LSM8: variants seen among roughly 807,000 people sequenced by gnomAD.
LSM8 encodes the protein LSM8 homolog, U6 small nuclear RNA associated, also known as LSM8 U6 small nuclear RNA associated.
LSM8 carries 14 observed loss-of-function variants against 15.0 expected under a neutral mutation model. The ratio of observed to expected loss-of-function variants is 0.93; its 90% CI spans 0.62 to 1.46. The LOEUF (loss-of-function observed/expected upper bound fraction) is 1.46. Among genes scored for constraint, LSM8 ranks in the 40% most tolerant of loss-of-function variants. LSM8 has a pLI of 0.00. For synonymous variants in LSM8, 50 were observed against 42.1 expected, an observed-to-expected ratio of 1.19 and a Z score of -0.73; for missense variants, 90 against 115.4, an observed-to-expected ratio of 0.78 and a Z score of 1.01.
intron 2 of LSM8, among the ~76,000 whole-genome samples, chr7:118,187,961 C>T (rs1346906797): frequency 1.3e-5 from 2 of 152,050 alleles, no homozygotes; most frequent in African/African-American, 2.4e-5. Context: ...TAGTTTATAC[C>T]TTTAGCTGCT....
At chr7:118,187,464 A>G (rs1420129114) in intron 2 of LSM8, among the ~76,000 whole-genome samples, 1 of 152,260 alleles carries the variant, frequency 6.6e-6, no homozygotes, top group African/African-American at 2.4e-5. Context: ...AGAATTAAAC[A>G]ATAAATCCAT....
Position 118,191,933 on chromosome 7 carries a change from TG to T in LSM8, c.223del (p.Glu75LysfsTer17). 6.2e-7 allele frequency: 1 copy of T among 1,612,738 alleles called. No individual in the cohort carries two copies. Among genetic ancestry groups the T allele is most frequent in the Non-Finnish European group, 8.5e-7 (1 of 1,179,192 alleles). On this transcript the variant is annotated frameshift_variant, in exon 4 of 4. Transcript: ENST00000249299. LOFTEE classifies it high-confidence loss of function. ...TTAGTGCAGTCATTGGAGAAATCGA[TG>T]AAGAAACAGATTCTGCGCTTGATTT... Reference protein sequence around the residue: ...DNVAVIGEIDEETDSALDLGN... With the variant: ...DNVAVIGEIDXETDSALDLGN...
At chr7:118,186,009 G>T (rs931399747) in intron 2 of LSM8, among the ~76,000 whole-genome samples, 1 of 152,020 alleles carries the variant, frequency 6.6e-6, no homozygotes, top group Non-Finnish European at 1.5e-5. Flanking sequence ...ACATGAATCA[G>T]AATTTTTTTG....
rs1285366072 is a variant in LSM8, at chr7:118,199,088, G to A, written c.*7086G>A. On this transcript the variant is annotated 3_prime_UTR_variant, in exon 4 of 4. Coordinates refer to ENST00000249299, the MANE Select transcript of LSM8 (RefSeq NM_016200.5). ...GAGGACATCTTGAAGTTTGTGCCTGGTTTCTCCTGATTTTCACCCTGCACA... is the reference window on the plus strand; with the variant it reads ...GAGGACATCTTGAAGTTTGTGCCTGATTTCTCCTGATTTTCACCCTGCACA... 1.3e-5 allele frequency among the ~76,000 whole-genome samples: 2 copies of A among 152,140 alleles called. No homozygotes were observed. The highest frequency in any genetic ancestry group is 2.4e-5 in the African/African-American group (1 of 41,444).
chr7:118,202,730 G>T lies in LSM8; in HGVS notation c.*10728G>T. Among the ~76,000 whole-genome samples the T allele has an allele frequency of 1.6e-5, 2 of 125,450 alleles. 1 individual carries two copies. The allele number at this position is 125,450 out of a possible 152,430, so 82.3% of individuals were successfully genotyped here. ...AAAAGGGTTGCTGTTAGGAAAAAGA[G>T]AAGAATGGGGATGGGGTGAACAACC... is the stretch of plus-strand genomic sequence containing the variant. On this transcript the variant is annotated 3_prime_UTR_variant, in exon 4 of 4. Coordinates refer to ENST00000249299, the MANE Select transcript of LSM8 (RefSeq NM_016200.5).
In LSM8 at chr7:118,194,686, A is replaced by G. The variant is rs1328517056; in HGVS notation, c.*2684A>G. Among the ~76,000 whole-genome samples, 1 of 152,174 alleles carries G rather than the reference A, an allele frequency of 6.6e-6. No individual in the cohort carries two copies. Among genetic ancestry groups the G allele is most frequent in the Non-Finnish European group, 1.5e-5 (1 of 68,004 alleles). Reference sequence around the variant, plus strand: ...TCCTCAGCCGTGTAACCTGAGATTCATCATGGGAATGAGAAAGTAAAGGCC... The same window carrying G: ...TCCTCAGCCGTGTAACCTGAGATTCGTCATGGGAATGAGAAAGTAAAGGCC... On this transcript the variant is annotated 3_prime_UTR_variant, in exon 4 of 4. Transcript: ENST00000249299.
rs114696065 is a variant in LSM8 at position 118,194,699 on chromosome 7, G to A, written c.*2697G>A. On this transcript the variant is annotated 3_prime_UTR_variant, in exon 4 of 4. Coordinates refer to ENST00000249299, the MANE Select transcript of LSM8 (RefSeq NM_016200.5). ...AACCTGAGATTCATCATGGGAATGA[G>A]AAAGTAAAGGCCCTTTGTAATGGCA... is the stretch of plus-strand genomic sequence containing the variant. Among the ~76,000 whole-genome samples the A allele has an allele frequency of 5.7e-3, 875 of 152,240 alleles. 10 individuals carry two copies. The highest frequency in any genetic ancestry group is 0.02 in the African/African-American group (831 of 41,550).
rs528749834 is a variant in LSM8 at position 118,185,433 on chromosome 7, T to C, written c.32-221T>C. 35 of 500,112 alleles carry C rather than the reference T, an allele frequency of 7.0e-5. 1 individual carries two copies. Among genetic ancestry groups the C allele is most frequent in the African/African-American group, 5.7e-4 (29 of 51,316 alleles). The allele number at this position is 500,112 out of a possible 1,614,324, so 31.0% of individuals were successfully genotyped here. On this transcript the variant is annotated intron_variant, in intron 1 of 3. Transcript: ENST00000249299. ...GGTCACCAGGCCAGGGTAATAGAGA[T>C]GGGGGTATCGCTGTGTTGCCCAAGC...
chr7:118,201,823 T>C lies in LSM8; in HGVS notation c.*9821T>C, dbSNP rs777178137. On this transcript the variant is annotated 3_prime_UTR_variant, in exon 4 of 4. Transcript: ENST00000249299. ...TGTAAGGCCATCTTTTGTATGTTTC[T>C]GTTTCCATCAAGCAGGCTTTTAATG... Among the ~76,000 whole-genome samples the C allele has an allele frequency of 1.3e-5, 2 of 152,124 alleles. No individual in the cohort carries two copies. Among genetic ancestry groups the C allele is most frequent in the Non-Finnish European group, 2.9e-5 (2 of 67,996 alleles).
At chr7:118,185,496 A>G in intron 1 of LSM8, 158 bp from the exon 2 acceptor site, 1 of 650,330 alleles carries the variant, frequency 1.5e-6, no homozygotes, top group Non-Finnish European at 2.7e-6. Context: ...CTTGGCGTCT[A>G]AGAAACTTTT....
At chr7:118,188,453 T>C (rs141289036) in intron 3 of LSM8, 48 bp downstream of exon 3, 1 of 1,551,878 alleles carries the variant, frequency 6.4e-7, no homozygotes, top group Admixed American at 1.8e-5. Context: ...TGCCTTACTT[T>C]ATGGAGAAGA....
In LSM8 at chr7:118,198,797, A is replaced by G. The variant is rs1433414170; in HGVS notation, c.*6795A>G. ...GGACCTGTCCTTCACCAGTTCCTGG[A>G]AGAAAATCTCTTGAGTCCTTGGGAT... is the stretch of plus-strand genomic sequence containing the variant. On this transcript the variant is annotated 3_prime_UTR_variant, in exon 4 of 4. Coordinates refer to ENST00000249299, the MANE Select transcript of LSM8 (RefSeq NM_016200.5). Among the ~76,000 whole-genome samples, 2 of 152,214 alleles carry G rather than the reference A, an allele frequency of 1.3e-5. No homozygotes were observed. Among genetic ancestry groups the G allele is most frequent in the Non-Finnish European group, 2.9e-5 (2 of 68,044 alleles).
Position 118,197,842 on chromosome 7 carries a change from G to A in LSM8, c.*5840G>A, listed in dbSNP as rs1317364053. The stretch of plus-strand genomic sequence containing the variant: ...AGCATATTAATCTTACCATGTCTTA[G>A]TTGCTATGAAAATGAGTACCTGCTT... On this transcript the variant is annotated 3_prime_UTR_variant, in exon 4 of 4. Coordinates refer to ENST00000249299, the MANE Select transcript of LSM8 (RefSeq NM_016200.5). Among the ~76,000 whole-genome samples, 2 of 152,134 alleles carry A rather than the reference G, an allele frequency of 1.3e-5. No individual in the cohort carries two copies. The highest frequency in any genetic ancestry group is 2.9e-5 in the Non-Finnish European group (2 of 68,010).
chr7:118,198,638 A>G lies in LSM8; in HGVS notation c.*6636A>G, dbSNP rs953154361. Among the ~76,000 whole-genome samples, 1 of 152,182 alleles carries G rather than the reference A, an allele frequency of 6.6e-6. No homozygotes were observed. Among genetic ancestry groups the G allele is most frequent in the Non-Finnish European group, 1.5e-5 (1 of 68,024 alleles). On this transcript the variant is annotated 3_prime_UTR_variant, in exon 4 of 4. Coordinates refer to ENST00000249299, the MANE Select transcript of LSM8 (RefSeq NM_016200.5). The stretch of plus-strand genomic sequence containing the variant: ...GTGCTTGACCCTAAGGATAGTAAGG[A>G]TTTCCATAGATGGTTAGGAAAACTT...
chr7:118,184,560 T>C, intron 1 of LSM8: 1 of 276,588 alleles, frequency 3.6e-6, no homozygotes, highest in Non-Finnish European at 6.8e-6. Context: ...ATGGCATAAG[T>C]GTTAAAGTTT....
At position 118,192,165 on chromosome 7, in the gene LSM8, C is replaced by A. The variant is rs903106996; in HGVS notation, c.*163C>A. ...TTTCTACATTTTATTGAAAAAAAAA[C>A]CTTTTTTTTTGCCTAAATATAAGTT... On this transcript the variant is annotated 3_prime_UTR_variant, in exon 4 of 4. Coordinates refer to ENST00000249299, the MANE Select transcript of LSM8 (RefSeq NM_016200.5). 6.7e-6 allele frequency: 3 copies of A among 445,654 alleles called. No individual in the cohort carries two copies. Among genetic ancestry groups the A allele is most frequent in the South Asian group, 9.0e-5 (1 of 11,140 alleles). The allele number at this position is 445,654 out of a possible 1,614,324, so 27.6% of individuals were successfully genotyped here. A position where few individuals can be genotyped will look rare whatever the true frequency, so the allele number is the denominator to read the frequency against.
chr7:118,186,634 C>A (rs1808894227), intron 2 of LSM8, among the ~76,000 whole-genome samples: 1 of 152,130 alleles, frequency 6.6e-6, no homozygotes, highest in African/African-American at 2.4e-5. Flanking sequence ...CCCCTGTATT[C>A]TAGATTAGGA....
In LSM8 at chr7:118,203,971, T is replaced by A; in HGVS notation, c.*11969T>A. On this transcript the variant is annotated 3_prime_UTR_variant, in exon 4 of 4. Transcript: ENST00000249299. Reference sequence around the variant, plus strand: ...TCAGTTCTAACAATGATTTGTAAATTTTAATACTATAGATATATTGCTGTT... The same window carrying A: ...TCAGTTCTAACAATGATTTGTAAATATTAATACTATAGATATATTGCTGTT... Among the ~76,000 whole-genome samples the A allele has an allele frequency of 6.6e-6, 1 of 151,894 alleles. No individual in the cohort carries two copies. The highest frequency in any genetic ancestry group is 1.9e-4 in the East Asian group (1 of 5,182).
In LSM8 at chr7:118,192,393, A is replaced by G. The variant is rs3808176; in HGVS notation, c.*391A>G. 164 of 156,314 alleles carry G rather than the reference A, an allele frequency of 1.0e-3. 1 individual carries two copies. In the East Asian group the frequency reaches 0.021, roughly 20 times the overall value. The allele number at this position is 156,314 out of a possible 1,614,324, so 9.7% of individuals were successfully genotyped here. On this transcript the variant is annotated 3_prime_UTR_variant, in exon 4 of 4. Transcript: ENST00000249299. ...GTTTTCTTTCCCTGATGTTTAGGAA[A>G]ATCACAGGAGGGTAAATCTTTGCTG...
Sources: allele counts gnomAD v4.1 joint callset (sites outside exome capture counted in the v4.1 genomes callset), GRCh38; gene constraint gnomAD v4.1.1; transcripts MANE v1.5; gene names NCBI Gene and HGNC (gene_info 2026-07-23, HGNC 2026-07-21).